EIF3A: variants seen among roughly 807,000 people sequenced by gnomAD.
EIF3A encodes the protein eukaryotic translation initiation factor 3 subunit A, also known as EIF3, p180 subunit.
Under a neutral mutation model 186.6 loss-of-function variants are expected in EIF3A, and 21 were observed. The ratio of observed to expected loss-of-function variants is 0.11; its 90% CI spans 0.08 to 0.16. The LOEUF (loss-of-function observed/expected upper bound fraction) is 0.16, where lower values mean the gene tolerates loss of function less well. Among genes scored for constraint, EIF3A ranks in the 10% least tolerant of loss-of-function variants. The pLI is 1.00. For synonymous variants in EIF3A, 563 were observed against 584.3 expected (o/e 0.96, Z 0.52); for missense variants, 1,306 against 1,796.3 (o/e 0.73, Z 4.93).
At chr10:119,066,011 G>C (rs889961321) in intron 6 of EIF3A, among the ~76,000 whole-genome samples, 2 of 152,164 alleles carry the variant, frequency 1.3e-5, no homozygotes, top group South Asian at 2.1e-4. Context: ...AGCTACTCAG[G>C]AGGCTGAGGC....
At chr10:119,040,238 G>A (rs1848189687) in intron 19 of EIF3A, among the ~76,000 whole-genome samples, 1 of 152,172 alleles carries the variant, frequency 6.6e-6, no homozygotes, top group African/African-American at 2.4e-5. Context: ...GTTAGCGGGT[G>A]AGGAAAATGA....
At chr10:119,043,813 G>C (rs546578690) in intron 18 of EIF3A, among the ~76,000 whole-genome samples, 3 of 150,996 alleles carry the variant, frequency 2.0e-5, no homozygotes. Flanking sequence ...CCAGCTATTC[G>C]AGAGGCTGAG....
intron 14 of EIF3A, 98 bp downstream of exon 14, chr10:119,056,642 G>A: frequency 5.1e-6 from 4 of 788,240 alleles, no homozygotes; most frequent in South Asian, 3.3e-5. Context: ...ATTTCTAGCA[G>A]AAGAATACAA....
At chr10:119,054,711 C>T (rs756875264) in intron 14 of EIF3A, among the ~76,000 whole-genome samples, 1 of 129,494 alleles carries the variant, frequency 7.7e-6, no homozygotes, top group Admixed American at 8.3e-5. Context: ...TGGGCAACAA[C>T]GGCGAAACTC....
At chr10:119,041,005 CAAAAA>C (rs34452005) in intron 19 of EIF3A, among the ~76,000 whole-genome samples, 15 of 78,708 alleles carry the variant, frequency 1.9e-4, no homozygotes, top group African/African-American at 5.4e-4. Context: ...ACTCCGTCTC[CAAAAA>C]AAAAAAAAAA....
Position 119,072,934 on chromosome 10 carries a change from T to C in EIF3A, c.497A>G (p.Asn166Ser). ...GTACAGGCGCTCTACTCTAGAATTG[T>C]TTCTAAGAAGGTCCAAACACTGCCT... ...SYRQCLDLLR[N>S]NSRVERLYHD... The change falls in exon 4 of 22, where the codon AAC becomes AGC. Residue 166 changes from asparagine (N) to serine (S), a missense_variant. This residue lies in a region of EIF3A where 130 missense variants were observed against 259.3 expected (regional missense o/e 0.50). Coordinates refer to ENST00000369144, the MANE Select transcript of EIF3A (RefSeq NM_003750.4). 1 of 1,614,130 alleles carries C rather than the reference T, an allele frequency of 6.2e-7. No homozygotes were observed. Among genetic ancestry groups the C allele is most frequent in the Non-Finnish European group, 8.5e-7 (1 of 1,180,010 alleles).
chr10:119,070,998 C>T lies in EIF3A; in HGVS notation c.629G>A (p.Arg210His), dbSNP rs1363194440. 3 of 1,614,020 alleles carry T rather than the reference C, an allele frequency of 1.9e-6. No homozygotes were observed. Among genetic ancestry groups the T allele is most frequent in the South Asian group, 1.1e-5 (1 of 91,082 alleles). The part of the protein sequence containing the change: ...NLRMHLSQIQ[R>H]HHNQSTAINL... ...GATTGCCGTACTTTGGTTATGGTGGCGCTGAATCTGCGATAAGTGCATTCT... is the reference window on the plus strand; with the variant it reads ...GATTGCCGTACTTTGGTTATGGTGGTGCTGAATCTGCGATAAGTGCATTCT... The change falls in exon 5 of 22, where the codon CGC becomes CAC. Residue 210 changes from arginine (R) to histidine (H), a missense_variant. Around this residue, in one of 8 missense-constraint regions of EIF3A, gnomAD observed 130 missense variants for 259.3 expected, o/e 0.50. Coordinates refer to ENST00000369144, the MANE Select transcript of EIF3A (RefSeq NM_003750.4).
chr10:119,073,073 G>C lies in EIF3A; in HGVS notation c.378-20C>G. 6.3e-7 allele frequency: 1 copy of C among 1,585,630 alleles called. No homozygotes were observed. The highest frequency in any genetic ancestry group is 8.5e-7 in the Non-Finnish European group (1 of 1,170,022). ...AGAACACTACAAAGAAAAAAATGTT[G>C]AAAACAATTTTAGACAGTTTCCTAC... On this transcript the variant is annotated intron_variant, in intron 3 of 21. Transcript: ENST00000369144.
intron 4 of EIF3A, among the ~76,000 whole-genome samples, chr10:119,071,906 TC>T (rs996169710): frequency 1.3e-5 from 2 of 150,506 alleles, no homozygotes; most frequent in African/African-American, 4.9e-5. Flanking sequence ...GCGCCTGTAG[TC>T]CCAGCTGTTG....
rs1843977798 is a variant in EIF3A at position 119,066,337 on chromosome 10, C to T, written c.951-767G>A. Among the ~76,000 whole-genome samples the T allele has an allele frequency of 2.0e-5, 3 of 150,508 alleles. No individual in the cohort carries two copies. The South Asian group carries it at 6.3e-4, about 32-fold the overall frequency. On this transcript the variant is annotated intron_variant, in intron 6 of 21. Transcript: ENST00000369144. ...CAGCCTGGACAACATGGTGAAACCC[C>T]ATCTCTACTAAAAATGCAAAAATTA...
At chr10:119,045,366 A>G (rs1848269433) in intron 17 of EIF3A, among the ~76,000 whole-genome samples, 1 of 152,204 alleles carries the variant, frequency 6.6e-6, no homozygotes, top group African/African-American at 2.4e-5. Flanking sequence ...CATCACAGCT[A>G]ATGATTCTGG....
In EIF3A at chr10:119,071,036, C is replaced by G. The variant is rs1844062296; in HGVS notation, c.591G>C (p.Leu197=). 1.9e-6 allele frequency: 3 copies of G among 1,614,168 alleles called. No individual in the cohort carries two copies. Among genetic ancestry groups the G allele is most frequent in the Non-Finnish European group, 2.5e-6 (3 of 1,180,028 alleles). ...QYTRKAEFRK[L]CDNLRMHLSQ... ...ATAAGTGCATTCTCAAATTGTCACACAGTTTACGGAATTCAGCCTTACGCG... is the reference window on the plus strand; with the variant it reads ...ATAAGTGCATTCTCAAATTGTCACAGAGTTTACGGAATTCAGCCTTACGCG... The change falls in exon 5 of 22, where the codon CTG becomes CTC. Residue 197 remains leucine (L), a synonymous_variant. Transcript: ENST00000369144.
chr10:119,065,261 T>A, intron 7 of EIF3A, 138 bp downstream of exon 7: 3 of 642,552 alleles, frequency 4.7e-6, no homozygotes, highest in Non-Finnish European at 8.1e-6. Flanking sequence ...TGAACAGTGA[T>A]TGACACCAGT....
intron 11 of EIF3A, 142 bp from the exon 12 acceptor site, chr10:119,058,445 G>T (rs1843827581): frequency 1.5e-6 from 1 of 661,656 alleles, no homozygotes; most frequent in East Asian, 2.7e-5. Context: ...TATCCAAGCT[G>T]TTTGTTTTCG....
intron 1 of EIF3A, chr10:119,080,248 T>G (rs898032926): frequency 2.2e-6 from 2 of 927,578 alleles, no homozygotes; most frequent in Admixed American, 1.2e-4. Flanking sequence ...CACTCCCAGA[T>G]GGCGGCCGGG....
chr10:119,044,566 G>A (rs920376454), intron 17 of EIF3A, among the ~76,000 whole-genome samples: 1 of 152,196 alleles, frequency 6.6e-6, no homozygotes, highest in Non-Finnish European at 1.5e-5. Flanking sequence ...GTACTCTGAT[G>A]GGCCGGGCGC....
At chr10:119,051,356 T>A (rs201858104) in intron 14 of EIF3A, 35 bp from the exon 15 acceptor site, 2 of 1,246,312 alleles carry the variant, frequency 1.6e-6, no homozygotes, top group South Asian at 1.7e-5. Flanking sequence ...TTCAATGCAC[T>A]TTTTTTTTTA....
chr10:119,073,126 A>C, intron 3 of EIF3A, 73 bp from the exon 4 acceptor site: 13 of 1,405,326 alleles, frequency 9.3e-6, no homozygotes, highest in Non-Finnish European at 1.2e-5. Context: ...AACCAAAACA[A>C]TGTTCATCAG....
intron 21 of EIF3A, 142 bp downstream of exon 21, chr10:119,036,977 G>A (rs1415910174): frequency 2.4e-5 from 16 of 680,330 alleles, no homozygotes; most frequent in African/African-American, 1.6e-4. Context: ...GTAACTGTAT[G>A]AAAATCATGA....
Sources: allele counts gnomAD v4.1 joint callset (sites outside exome capture counted in the v4.1 genomes callset), GRCh38; gene constraint gnomAD v4.1.1; regional missense constraint gnomAD v4.1.1; transcripts MANE v1.5; gene names NCBI Gene and HGNC (gene_info 2026-07-23, HGNC 2026-07-21).